The following EML3 variants were observed in gnomAD, a reference collection of about 807,000 sequenced individuals.
EML3 encodes the protein echinoderm microtubule-associated protein-like 3.
Under a neutral mutation model 106.7 loss-of-function variants are expected in EML3, and 53 were observed. The ratio of observed to expected loss-of-function variants is 0.50; its 90% CI spans 0.40 to 0.62. EML3 has a LOEUF of 0.62. EML3 is among the 20% of genes least tolerant of loss of function. EML3 has a pLI of 0.00. For synonymous variants in EML3, 499 were observed against 489.6 expected, an observed-to-expected ratio of 1.02 and a Z score of -0.25; for missense variants, 994 against 1,209.1, an observed-to-expected ratio of 0.82 and a Z score of 2.64.
chr11:62,609,738 C>G, intron 4 of EML3, 42 bp from the exon 5 acceptor site: 1 of 1,539,168 alleles, frequency 6.5e-7, no homozygotes, highest in Non-Finnish European at 8.8e-7. Context: ...GGTCAGGTCC[C>G]AAGACCTAAG....
rs962554822 is a variant in EML3, at chr11:62,602,558, G to C, written c.2608C>G (p.Leu870Val). 6.6e-7 allele frequency: 1 copy of C among 1,515,744 alleles called. No individual in the cohort carries two copies. Among genetic ancestry groups the C allele is most frequent in the Admixed American group, 2.1e-5 (1 of 47,804 alleles). The allele number at this position is 1,515,744 out of a possible 1,614,324, so 93.9% of individuals were successfully genotyped here. A position where few individuals can be genotyped will look rare whatever the true frequency, so the allele number is the denominator to read the frequency against. The change falls in exon 22 of 22, where the codon CTG becomes GTG. Residue 870 changes from leucine to valine, a missense_variant. Physicochemically the swap from Leu to Val is conservative, Grantham distance 32 (BLOSUM62 1). Transcript: ENST00000394773. ...KDASIFQWRVLGAGGAGPAPA... is the reference protein window; with the variant it reads ...KDASIFQWRVVGAGGAGPAPA... ...GCCGGCCCCGCGCCCCCAGCGCCCA[G>C]CACTCGCCACTGGAAGATGCTGGCG... is the stretch of plus-strand genomic sequence containing the variant.
In EML3 at chr11:62,607,024, CCT is replaced by C. The variant is rs1565058954; in HGVS notation, c.1436_1437del (p.Glu479GlyfsTer35). The C allele has an allele frequency of 3.1e-6, 5 of 1,614,168 alleles. No individual in the cohort carries two copies. Among genetic ancestry groups the C allele is most frequent in the Non-Finnish European group, 3.4e-6 (4 of 1,180,014 alleles). On this transcript the variant is annotated frameshift_variant, in exon 12 of 22. Coordinates refer to ENST00000394773, the MANE Select transcript of EML3 (RefSeq NM_153265.3). LOFTEE classifies it high-confidence loss of function. ...CTCCGCCCCCAGGTGAGAATGTTCCCCTCTGAGTCTCCAGTGAGAATGTCTCC... is the reference window on the plus strand; with the variant it reads ...CTCCGCCCCCAGGTGAGAATGTTCCCCTGAGTCTCCAGTGAGAATGTCTCC... ...PDGDILTGDS[E>X]GNILTWGRSP...
Position 62,608,816 on chromosome 11 carries a change from G to C in EML3, c.930-11C>G, listed in dbSNP as rs756638870. 5.1e-6 allele frequency: 8 copies of C among 1,566,780 alleles called. No individual in the cohort carries two copies. The highest frequency in any genetic ancestry group is 1.4e-5 in the African/African-American group (1 of 73,898). On this transcript the variant is annotated splice_polypyrimidine_tract_variant and intron_variant, in intron 7 of 21. Coordinates refer to ENST00000394773, the MANE Select transcript of EML3 (RefSeq NM_153265.3). ...GGGTGAACAGCAAGGCTAAGGCAGGGGGAAGACACTCTAGGGAAAGGGTCT... is the reference window on the plus strand; with the variant it reads ...GGGTGAACAGCAAGGCTAAGGCAGGCGGAAGACACTCTAGGGAAAGGGTCT...
Position 62,605,932 on chromosome 11 carries a change from A to G in EML3, c.1705T>C (p.Ser569Pro). Residue 569 changes from serine to proline, a missense_variant, in exon 14 of 22, where the codon TCT (serine) becomes CCT (proline). Ser to Pro is a moderately conservative substitution (Grantham distance 74, BLOSUM62 -1). Around this residue, in one of 3 missense-constraint regions of EML3, gnomAD observed 713 missense variants for 920.5 expected, o/e 0.77. Coordinates refer to ENST00000394773, the MANE Select transcript of EML3 (RefSeq NM_153265.3). This position sits in a 1 kb window ranked among gnomAD's most constrained non-coding sequence, Gnocchi z 5.2. Reference sequence around the variant, plus strand: ...TTCGTGGTTCCCACCAGCAGCTCAGAGCCAAGCCCTTCAGCAATGGCTCGC... The same window carrying G: ...TTCGTGGTTCCCACCAGCAGCTCAGGGCCAAGCCCTTCAGCAATGGCTCGC... ...AVRAIAEGLG[S>P]ELLVGTTKNA... 1.9e-6 allele frequency: 3 copies of G among 1,614,202 alleles called. No homozygotes were observed. The highest frequency in any genetic ancestry group is 2.5e-6 in the Non-Finnish European group (3 of 1,180,048).
At chr11:62,611,679 C>T (rs1397687488) in intron 1 of EML3, 83 bp from the exon 2 acceptor site, 45 of 1,459,444 alleles carry the variant, frequency 3.1e-5, no homozygotes, top group Non-Finnish European at 3.9e-5. Flanking sequence ...CACAACTTTA[C>T]ATGTGTCCGG....
Position 62,605,863 on chromosome 11 carries a change from C to CA in EML3, c.1773dup (p.Val592CysfsTer7). ...AGCCCTTAACCCCCAACCTGGATTA[C>CA]AGGGGAGAAGCCCTGGGCCAGGTCT... On this transcript the variant is annotated frameshift_variant, in exon 14 of 22. Coordinates refer to ENST00000394773, the MANE Select transcript of EML3 (RefSeq NM_153265.3). LOFTEE classifies it high-confidence loss of function. The surrounding 1 kb of genome is among the most constrained non-coding windows in gnomAD (Gnocchi z 5.2). 6.2e-7 allele frequency: 1 copy of CA among 1,614,108 alleles called. No individual in the cohort carries two copies. Among genetic ancestry groups the CA allele is most frequent in the Non-Finnish European group, 8.5e-7 (1 of 1,179,990 alleles).
intron 4 of EML3, 130 bp from the exon 5 acceptor site, chr11:62,609,826 G>C: frequency 1.4e-6 from 1 of 731,810 alleles, no homozygotes; most frequent in Non-Finnish European, 2.2e-6. Flanking sequence ...TTTGCTTCGT[G>C]AGTATCAGGG....
At chr11:62,607,484 C>T (rs1590751595) in intron 11 of EML3, 182 bp downstream of exon 11, 3 of 640,644 alleles carry the variant, frequency 4.7e-6, no homozygotes, top group East Asian at 6.0e-5. Flanking sequence ...TTGCAGTGAG[C>T]CGAGATCTTG....
In EML3 at chr11:62,607,092, T is replaced by A. The variant is rs560927478; in HGVS notation, c.1370A>T (p.Lys457Met). The change falls in exon 12 of 22, where the codon AAG becomes ATG. Residue 457 changes from lysine (K) to methionine (M), a missense_variant. Physicochemically the swap from Lys to Met is moderately conservative, Grantham distance 95. This residue lies in a region of EML3 where 713 missense variants were observed against 920.5 expected (regional missense o/e 0.77). Transcript: ENST00000394773. ...AAAGCAAGGGATAAACTTGGGTTTC[T>A]TGTATTTCTAGTGGGAGGGGAGAGC... Reference protein sequence around the residue: ...TRKQGVFGKYKKPKFIPCFVF... With the variant: ...TRKQGVFGKYMKPKFIPCFVF... 6.2e-7 allele frequency: 1 copy of A among 1,613,880 alleles called. No individual in the cohort carries two copies. The highest frequency in any genetic ancestry group is 1.1e-5 in the South Asian group (1 of 91,080).
chr11:62,602,960 A>T, intron 20 of EML3, 71 bp from the exon 21 acceptor site: 1 of 1,473,578 alleles, frequency 6.8e-7, no homozygotes, highest in Non-Finnish European at 9.0e-7. Flanking sequence ...ACACCATTTC[A>T]GGCGCTCCGG....
intron 1 of EML3, chr11:62,612,197 A>G: frequency 1.9e-6 from 1 of 521,902 alleles, no homozygotes; most frequent in Non-Finnish European, 3.4e-6. Context: ...CGCAGGGGGC[A>G]GGGAAACATC....
chr11:62,604,084 T>C (rs754585184), intron 17 of EML3, 29 bp downstream of exon 17: 1 of 1,613,752 alleles, frequency 6.2e-7, no homozygotes, highest in South Asian at 1.1e-5. Flanking sequence ...CAGGGACGCA[T>C]GTGAGTCCAG....
rs199631175 is a variant in EML3, at chr11:62,609,688, C to T, written c.575G>A (p.Gly192Glu). ...CCCAGGGCTGGAGAGGGGGTCTTTTCCCCCACGGCTGTTGGGAAGAGAGAA... is the reference window on the plus strand; with the variant it reads ...CCCAGGGCTGGAGAGGGGGTCTTTTTCCCCACGGCTGTTGGGAAGAGAGAA... ...VRSGSTESRG[G>E]KDPLSSPGGP... is the part of the protein sequence containing the mutation. Residue 192 changes from glycine (G) to glutamate (E), a missense_variant, in exon 5 of 22, where the codon GGA becomes GAA. By Grantham distance (98) the Gly-to-Glu change is moderately conservative. Transcript: ENST00000394773. 2 of 1,599,934 alleles carry T rather than the reference C, an allele frequency of 1.3e-6. No homozygotes were observed. Among genetic ancestry groups the T allele is most frequent in the African/African-American group, 1.4e-5 (1 of 73,954 alleles).
chr11:62,605,232 C>A lies in EML3; in HGVS notation c.1915-52G>T. The A allele has an allele frequency of 6.3e-7, 1 of 1,574,988 alleles. No homozygotes were observed. The highest frequency in any genetic ancestry group is 8.7e-7 in the Non-Finnish European group (1 of 1,153,726). On this transcript the variant is annotated intron_variant, in intron 15 of 21. Transcript: ENST00000394773. The surrounding 1 kb of genome is among the most constrained non-coding windows in gnomAD (Gnocchi z 5.2). ...AGATGATGTCTTTCTAGTGAGGGAA[C>A]CAGAGTGAACCCCTTGTCCTCCTAA... is the stretch of plus-strand genomic sequence containing the variant.
rs900516045 is a variant in EML3, at chr11:62,612,078, T to A, written c.22+358A>T. ...AGAGTACAAGAAAAGAGATCCAGAG[T>A]GACAGGAGAGAGTGTGAGTGGTGAG... On this transcript the variant is annotated intron_variant, in intron 1 of 21. Transcript: ENST00000394773. 81 of 405,930 alleles carry A rather than the reference T, an allele frequency of 2.0e-4. 1 individual carries two copies. Among genetic ancestry groups the A allele is most frequent in the South Asian group, 1.6e-3 (42 of 26,430 alleles). 25.1% of individuals were successfully genotyped at this position (405,930 alleles called of 1,614,324 possible).
chr11:62,605,336 G>T lies in EML3; in HGVS notation c.1915-156C>A. On this transcript the variant is annotated intron_variant, in intron 15 of 21. Transcript: ENST00000394773. This position sits in a 1 kb window ranked among gnomAD's most constrained non-coding sequence, Gnocchi z 5.2. ...CGGGTATCACTGGAGCCTGAACAGGGAGTGATACCAAAATATTTAACCACA... is the reference window on the plus strand; with the variant it reads ...CGGGTATCACTGGAGCCTGAACAGGTAGTGATACCAAAATATTTAACCACA... The T allele has an allele frequency of 2.8e-6, 2 of 726,478 alleles. No individual in the cohort carries two copies. The highest frequency in any genetic ancestry group is 4.4e-6 in the Non-Finnish European group (2 of 457,736). The allele number at this position is 726,478 out of a possible 1,614,324, so 45.0% of individuals were successfully genotyped here.
chr11:62,607,566 G>T, intron 11 of EML3, 100 bp downstream of exon 11: 2 of 1,360,968 alleles, frequency 1.5e-6, no homozygotes, highest in Non-Finnish European at 9.9e-7. Flanking sequence ...GGTCACAGGG[G>T]CAGGTGGGGG....
At chr11:62,612,124 CA>C (rs1942861912) in intron 1 of EML3, 2 of 481,288 alleles carry the variant, frequency 4.2e-6, no homozygotes, top group Admixed American at 8.2e-5. Flanking sequence ...GTGAAGGTCT[CA>C]GGGGGCAGTG....
Position 62,605,631 on chromosome 11 carries a change from C to A in EML3, c.1914+11G>T. On this transcript the variant is annotated intron_variant, in intron 15 of 21. Transcript: ENST00000394773. The surrounding 1 kb of genome is among the most constrained non-coding windows in gnomAD (Gnocchi z 5.2). ...GTGTGGCATGGGGGATCCAGGGGCA[C>A]AGGGCTCTACCTTGAGGTCGATGCT... is the stretch of plus-strand genomic sequence containing the variant. 6.6e-7 allele frequency: 1 copy of A among 1,521,072 alleles called. No homozygotes were observed. The highest frequency in any genetic ancestry group is 8.8e-7 in the Non-Finnish European group (1 of 1,133,732). The allele number at this position is 1,521,072 out of a possible 1,614,324, so 94.2% of individuals were successfully genotyped here. A position where few individuals can be genotyped will look rare whatever the true frequency, so the allele number is the denominator to read the frequency against.
Sources: gnomAD v4.1 joint callset for allele counts on GRCh38, gnomAD v4.1.1 for gene constraint, gnomAD v4.1.1 regional missense constraint, Gnocchi (gnomAD v3.1) non-coding constraint, MANE v1.5 for transcripts, NCBI Gene and HGNC (gene_info 2026-07-23, HGNC 2026-07-21) for gene names.